MAST4: variants seen among roughly 807,000 people sequenced by gnomAD.
MAST4 encodes microtubule associated serine/threonine kinase family member 4, also known as microtubule-associated serine/threonine-protein kinase 4.
A neutral mutation model predicts 162.7 loss-of-function variants in MAST4; 89 were observed. That is an observed-to-expected ratio of 0.55 (90% CI 0.46 to 0.65). The LOEUF (loss-of-function observed/expected upper bound fraction) is 0.65, where lower values mean the gene tolerates loss of function less well. Ranked by LOEUF, MAST4 falls within the 30% of genes least tolerant of loss-of-function variation. The probability of loss-of-function intolerance (pLI) is 0.00; values close to 1 mark genes in which losing one functional copy is unlikely to be tolerated. For missense variants in MAST4, 3,153 were observed against 3,374.0 expected, an observed-to-expected ratio of 0.93 and a Z score of 1.62; for synonymous variants, 1,479 against 1,361.1, an observed-to-expected ratio of 1.09 and a Z score of -1.91.
At chr5:66,746,561 G>A (rs1379263327) in intron 1 of MAST4, among the ~76,000 whole-genome samples, 2 of 152,310 alleles carry the variant, frequency 1.3e-5, no homozygotes, top group East Asian at 1.9e-4. Context: ...GGCATATAAT[G>A]TCAGGTTTTG....
intron 1 of MAST4, among the ~76,000 whole-genome samples, chr5:66,612,406 T>C (rs1245502847): frequency 1.3e-5 from 2 of 152,254 alleles, no homozygotes; most frequent in African/African-American, 4.8e-5. Flanking sequence ...CCGAGTACCC[T>C]GGCTGCTGCC....
chr5:67,050,279 T>A (rs190454699), intron 4 of MAST4, among the ~76,000 whole-genome samples: 36 of 152,236 alleles, frequency 2.4e-4, no homozygotes, highest in Non-Finnish European at 4.4e-4. Flanking sequence ...GTGTGGTGCC[T>A]CTTTCAGTCC....
chr5:66,990,644 A>G (rs1024819410), intron 4 of MAST4, among the ~76,000 whole-genome samples: 1 of 152,182 alleles, frequency 6.6e-6, no homozygotes, highest in Admixed American at 6.5e-5. Context: ...CCCCATCACA[A>G]AAAAGCTATG....
At chr5:66,802,775 A>G (rs1039012250) in intron 3 of MAST4, among the ~76,000 whole-genome samples, 17 of 152,230 alleles carry the variant, frequency 1.1e-4, no homozygotes, top group Middle Eastern at 3.4e-3. Context: ...ACCTTTCCCA[A>G]TTAAGTGGAC....
chr5:66,616,987 TG>T (rs912564064), intron 1 of MAST4, among the ~76,000 whole-genome samples: 2 of 152,186 alleles, frequency 1.3e-5, no homozygotes, highest in Admixed American at 6.5e-5. Context: ...TTAACTAAAG[TG>T]GTTGAGCCTT....
At chr5:66,673,530 G>GTTTTTTTTTT (rs11376867) in intron 1 of MAST4, among the ~76,000 whole-genome samples, 5 of 106,542 alleles carry the variant, frequency 4.7e-5, no homozygotes, top group Admixed American at 2.2e-4. Flanking sequence ...TTTGTTTTTT[G>GTTTTTTTTTT]TTTTTTTTTT....
intron 2 of MAST4, among the ~76,000 whole-genome samples, chr5:66,780,747 T>C (rs779719879): frequency 1.4e-5 from 2 of 146,182 alleles, no homozygotes; most frequent in Non-Finnish European, 3.1e-5. Context: ...GCTGATTGGT[T>C]CATTTTTACA....
chr5:66,676,881 A>G (rs1280524565), intron 1 of MAST4, among the ~76,000 whole-genome samples: 7 of 152,262 alleles, frequency 4.6e-5, no homozygotes, highest in Non-Finnish European at 2.9e-5. Flanking sequence ...TTTAAAAGAT[A>G]TAAACAAGTT....
chr5:66,893,279 C>T (rs988251889), intron 3 of MAST4, among the ~76,000 whole-genome samples: 9 of 152,122 alleles, frequency 5.9e-5, no homozygotes, highest in African/African-American at 2.2e-4. Flanking sequence ...CATCTTGGCT[C>T]ACTGCAACCT....
At chr5:66,745,954 G>A (rs921610112) in intron 1 of MAST4, among the ~76,000 whole-genome samples, 9 of 152,138 alleles carry the variant, frequency 5.9e-5, no homozygotes, top group Admixed American at 3.9e-4. Context: ...TGAATACTGC[G>A]GGACTGCAGG....
chr5:66,602,834 G>A (rs942264552), intron 1 of MAST4, among the ~76,000 whole-genome samples: 5 of 152,214 alleles, frequency 3.3e-5, no homozygotes, highest in Non-Finnish European at 5.9e-5. Context: ...GTCAGAGTCT[G>A]TAGTGACTAA....
chr5:66,866,323 A>G (rs1332465979), intron 3 of MAST4, among the ~76,000 whole-genome samples: 1 of 152,148 alleles, frequency 6.6e-6, no homozygotes, highest in African/African-American at 2.4e-5. Flanking sequence ...TCTCCTTACA[A>G]GGTTATTAAT....
At chr5:67,117,620 T>C (rs1330664632) in intron 12 of MAST4, among the ~76,000 whole-genome samples, 1 of 151,964 alleles carries the variant, frequency 6.6e-6, no homozygotes, top group Non-Finnish European at 1.5e-5. Flanking sequence ...ACTTTTATTA[T>C]GCATGTTCAA....
intron 4 of MAST4, among the ~76,000 whole-genome samples, chr5:66,913,216 G>C (rs902737332): frequency 2.6e-5 from 4 of 152,150 alleles, no homozygotes; most frequent in African/African-American, 9.7e-5. Context: ...CACCAGCACA[G>C]TTGAGATAAT....
intron 3 of MAST4, among the ~76,000 whole-genome samples, chr5:66,799,522 C>T (rs1011923848): frequency 2.0e-5 from 3 of 152,168 alleles, no homozygotes; most frequent in East Asian, 3.8e-4. Context: ...TTTTAAATGA[C>T]ACCAGATGAA....
intron 4 of MAST4, among the ~76,000 whole-genome samples, chr5:66,939,713 A>C (rs1420323814): frequency 6.6e-6 from 1 of 152,034 alleles, no homozygotes; most frequent in African/African-American, 2.4e-5. Flanking sequence ...ATTTATTTGT[A>C]TACAAGATAC....
chr5:67,071,219 G>A (rs962504235), intron 5 of MAST4, among the ~76,000 whole-genome samples: 5 of 152,068 alleles, frequency 3.3e-5, no homozygotes, highest in African/African-American at 1.2e-4. Flanking sequence ...AGCAATGAAG[G>A]CGAAAGACCT....
chr5:67,060,116 C>A (rs467804), intron 5 of MAST4, among the ~76,000 whole-genome samples: 23,616 of 152,072 alleles, frequency 0.16, 1,895 homozygotes, highest in South Asian at 0.24. Flanking sequence ...AGAATATCTT[C>A]ATTATTTCAG....
At chr5:66,776,053 C>T (rs547808293) in intron 2 of MAST4, among the ~76,000 whole-genome samples, 16 of 152,180 alleles carry the variant, frequency 1.1e-4, no homozygotes, top group Middle Eastern at 3.4e-3. Context: ...ATGAAATACA[C>T]GATTATGTGA....
Sources: gnomAD v4.1 joint callset for allele counts (sites outside exome capture counted in the v4.1 genomes callset) on GRCh38, gnomAD v4.1.1 for gene constraint, MANE v1.5 for transcripts, NCBI Gene and HGNC (gene_info 2026-07-23, HGNC 2026-07-21) for gene names.